ADGRL2: variants seen among roughly 807,000 people sequenced by gnomAD.
ADGRL2 encodes the protein adhesion G protein-coupled receptor L2, also known as calcium-independent alpha-latrotoxin receptor 2.
ADGRL2 carries 44 observed loss-of-function variants against 157.4 expected under a neutral mutation model. The ratio of observed to expected loss-of-function variants is 0.28; its 90% CI spans 0.22 to 0.36. The LOEUF is 0.36. Among genes scored for constraint, ADGRL2 ranks in the 10% least tolerant of loss-of-function variants. ADGRL2 has a pLI of 1.00. For missense variants in ADGRL2, 1,510 were observed against 1,768.9 expected, an observed-to-expected ratio of 0.85 and a Z score of 2.63; for synonymous variants, 585 against 624.7, an observed-to-expected ratio of 0.94 and a Z score of 0.95.
chr1:81,535,360 G>T (rs765493607), intron 2 of ADGRL2, among the ~76,000 whole-genome samples: 73 of 151,966 alleles, frequency 4.8e-4, no homozygotes, highest in Non-Finnish European at 7.2e-4. Flanking sequence ...TCTACCTTTG[G>T]ATTGTTGCGC....
intron 1 of ADGRL2, among the ~76,000 whole-genome samples, chr1:81,358,250 G>T (rs1248776551): frequency 6.6e-6 from 1 of 152,146 alleles, no homozygotes; most frequent in Non-Finnish European, 1.5e-5. Context: ...GAAAAGATGG[G>T]TTTTTCATAA....
intron 3 of ADGRL2, among the ~76,000 whole-genome samples, chr1:81,630,633 C>T (rs2081994149): frequency 6.6e-6 from 1 of 152,112 alleles, no homozygotes; most frequent in Non-Finnish European, 1.5e-5. Context: ...GAAACCAGCA[C>T]ATGCATTTAA....
At chr1:81,892,307 T>A (rs188546572) in intron 2 of ADGRL2, among the ~76,000 whole-genome samples, 1 of 152,268 alleles carries the variant, frequency 6.6e-6, no homozygotes, top group Admixed American at 6.5e-5. Flanking sequence ...ATTTAAGTAG[T>A]TTGATCTCAA....
At chr1:81,639,057 G>A (rs1178627465) in intron 3 of ADGRL2, among the ~76,000 whole-genome samples, 1 of 152,134 alleles carries the variant, frequency 6.6e-6, no homozygotes, top group Non-Finnish European at 1.5e-5. Context: ...CTGTAAGAAA[G>A]TTACTTCTTT....
intron 3 of ADGRL2, among the ~76,000 whole-genome samples, chr1:81,622,272 G>A (rs917296842): frequency 8.5e-5 from 13 of 152,112 alleles, no homozygotes; most frequent in African/African-American, 2.9e-4. Flanking sequence ...ATATGGCACC[G>A]TGGGTCCTTT....
chr1:81,700,571 T>A (rs1247102333), intron 1 of ADGRL2, among the ~76,000 whole-genome samples: 1 of 152,238 alleles, frequency 6.6e-6, no homozygotes, highest in Non-Finnish European at 1.5e-5. Flanking sequence ...TTTGATGAAT[T>A]GTTTGTAAGC....
chr1:81,812,241 TAATC>T (rs1415642356), intron 1 of ADGRL2, among the ~76,000 whole-genome samples: 1 of 151,854 alleles, frequency 6.6e-6, no homozygotes, highest in Non-Finnish European at 1.5e-5. Context: ...TGCGATGAAA[TAATC>T]AAAGCAGTAT....
At chr1:81,487,926 A>G (rs2078543648) in intron 2 of ADGRL2, among the ~76,000 whole-genome samples, 1 of 151,994 alleles carries the variant, frequency 6.6e-6, no homozygotes. Flanking sequence ...CAATTTAGTG[A>G]TATATTTAGT....
chr1:81,376,217 AT>A (rs2076247124), intron 1 of ADGRL2, among the ~76,000 whole-genome samples: 1 of 152,218 alleles, frequency 6.6e-6, no homozygotes, highest in Non-Finnish European at 1.5e-5. Flanking sequence ...CATACTAGTT[AT>A]TGCTAACCTG....
At chr1:81,407,243 C>T (rs1394710343) in intron 1 of ADGRL2, among the ~76,000 whole-genome samples, 2 of 152,218 alleles carry the variant, frequency 1.3e-5, no homozygotes, top group Non-Finnish European at 2.9e-5. Context: ...TCTGGTTTGA[C>T]TTTCAAACCC....
chr1:81,503,269 A>T lies in ADGRL2; in HGVS notation c.-248+58180A>T, dbSNP rs2078895246. 4 of 1,614,076 alleles carry T rather than the reference A, an allele frequency of 2.5e-6. No homozygotes were observed. In the East Asian group the frequency reaches 8.9e-5, roughly 36 times the overall value. Reference sequence around the variant, plus strand: ...GACCACGAGTAGCATTGGGAGCGTTAACATGTCTGTGGACATCGATGGCAC... The same window carrying T: ...GACCACGAGTAGCATTGGGAGCGTTTACATGTCTGTGGACATCGATGGCAC... On this transcript the variant is annotated intron_variant, in intron 2 of 24. Coordinates refer to the ADGRL2 transcript ENST00000370721.
intron 11 of ADGRL2, among the ~76,000 whole-genome samples, chr1:81,958,085 G>A (rs1349430431): frequency 2.6e-5 from 4 of 151,856 alleles, no homozygotes; most frequent in African/African-American, 4.8e-5. Context: ...GCCAAACCCA[G>A]TCTCTACTAA....
At chr1:81,962,283 A>T (rs551233319) in intron 11 of ADGRL2, among the ~76,000 whole-genome samples, 1 of 152,080 alleles carries the variant, frequency 6.6e-6, no homozygotes, top group African/African-American at 2.4e-5. Flanking sequence ...CTTCATGTTG[A>T]TTTTTTTAAC....
At chr1:81,389,341 CA>C (rs1279984395) in intron 1 of ADGRL2, among the ~76,000 whole-genome samples, 2 of 151,426 alleles carry the variant, frequency 1.3e-5, no homozygotes, top group African/African-American at 4.9e-5. Context: ...AATAAAAAGA[CA>C]AAATAATTTT....
intron 1 of ADGRL2, among the ~76,000 whole-genome samples, chr1:81,390,351 G>C (rs1324442720): frequency 6.6e-6 from 1 of 152,308 alleles, no homozygotes; most frequent in Non-Finnish European, 1.5e-5. Flanking sequence ...AGAAACTTGG[G>C]AGAGCTGCAG....
chr1:81,910,552 A>C (rs1408848127), intron 3 of ADGRL2, among the ~76,000 whole-genome samples: 1 of 151,596 alleles, frequency 6.6e-6, no homozygotes, highest in East Asian at 1.9e-4. Flanking sequence ...CCCACATATA[A>C]GTATAATACA....
chr1:81,331,145 AT>A (rs1557602302), intron 1 of ADGRL2, among the ~76,000 whole-genome samples: 2 of 151,992 alleles, frequency 1.3e-5, no homozygotes, highest in African/African-American at 4.8e-5. Flanking sequence ...TGGAAAGGGA[AT>A]TTTTCACTTC....
At chr1:81,746,389 A>G (rs947308739) in intron 1 of ADGRL2, among the ~76,000 whole-genome samples, 5 of 152,150 alleles carry the variant, frequency 3.3e-5, no homozygotes, top group African/African-American at 1.2e-4. Flanking sequence ...CTCCAGGCTC[A>G]GGCAATCCTC....
At chr1:81,465,876 G>A (rs2078042081) in intron 2 of ADGRL2, among the ~76,000 whole-genome samples, 1 of 152,150 alleles carries the variant, frequency 6.6e-6, no homozygotes, top group Non-Finnish European at 1.5e-5. Context: ...TTTAGCTTGT[G>A]GTACACAAAT....
Sources: gnomAD v4.1 joint callset for allele counts (sites outside exome capture counted in the v4.1 genomes callset) on GRCh38, gnomAD v4.1.1 for gene constraint, MANE v1.5 for transcripts, NCBI Gene and HGNC (gene_info 2026-07-23, HGNC 2026-07-21) for gene names.